Variants in CLVS1 observed in about 807,000 individuals in gnomAD.
CLVS1 encodes the protein clavesin 1.
CLVS1 carries 10 observed loss-of-function variants against 33.1 expected under a neutral mutation model. The observed-to-expected ratio is 0.30, with a 90% CI of 0.19 to 0.51. The LOEUF is 0.51. Among genes scored for constraint, CLVS1 ranks in the 20% least tolerant of loss-of-function variants. CLVS1 has a pLI of 0.97. For synonymous variants in CLVS1, 163 were observed against 166.1 expected (o/e 0.98, Z 0.14); for missense variants, 343 against 433.4 (o/e 0.79, Z 1.85).
At chr8:61,240,911 T>TA (rs201062770) in intron 2 of CLVS1, among the ~76,000 whole-genome samples, 17 of 150,490 alleles carry the variant, frequency 1.1e-4, no homozygotes, top group Non-Finnish European at 2.1e-4. Context: ...TTTTTTTTTT[T>TA]AAAATAGAGA....
At chr8:61,438,716 C>A (rs1403807859) in intron 3 of CLVS1, among the ~76,000 whole-genome samples, 1 of 152,140 alleles carries the variant, frequency 6.6e-6, no homozygotes, top group Admixed American at 6.5e-5. Context: ...TTAAGAATTG[C>A]CATTCTGACT....
At chr8:61,065,528 G>C (rs1413061315) in intron 1 of CLVS1, among the ~76,000 whole-genome samples, 1 of 152,140 alleles carries the variant, frequency 6.6e-6, no homozygotes, top group Non-Finnish European at 1.5e-5. Context: ...TGAAACTAAG[G>C]AGCAGACACA....
chr8:61,055,361 A>T (rs1449311215), upstream of CLVS1, among the ~76,000 whole-genome samples: 1 of 152,236 alleles, frequency 6.6e-6, no homozygotes, highest in Non-Finnish European at 1.5e-5. Flanking sequence ...AGGTCTTCCA[A>T]GATTTCTGGC....
At chr8:61,142,049 C>T (rs1042446413) in intron 2 of CLVS1, among the ~76,000 whole-genome samples, 6 of 152,214 alleles carry the variant, frequency 3.9e-5, no homozygotes, top group African/African-American at 1.4e-4. Flanking sequence ...GGATTATAAA[C>T]TTGTGCAGAC....
At chr8:61,208,678 T>TC (rs11404757) in intron 2 of CLVS1, among the ~76,000 whole-genome samples, 96,923 of 151,848 alleles carry the variant, frequency 0.64, 33,677 homozygotes, top group East Asian at 0.97. Context: ...AACCTCTGCC[T>TC]CCAGGTTCAA....
chr8:61,315,071 GAAAA>G (rs1810965994), intron 2 of CLVS1, among the ~76,000 whole-genome samples: 1 of 152,172 alleles, frequency 6.6e-6, no homozygotes, highest in Admixed American at 6.5e-5. Context: ...GTACAAAACG[GAAAA>G]CCTAGGCAGT....
At chr8:61,010,335 G>T in the CLVS1 span, among the ~76,000 whole-genome samples, 1 of 152,222 alleles carries the variant, frequency 6.6e-6, no homozygotes, top group South Asian at 2.1e-4. Context: ...CATGAGTAAG[G>T]TTGATAGATA....
chr8:61,183,157 G>C (rs1427692731), intron 2 of CLVS1, among the ~76,000 whole-genome samples: 2 of 150,688 alleles, frequency 1.3e-5, no homozygotes, highest in South Asian at 4.2e-4. Context: ...CAGGGCGGAG[G>C]GGGGCAGGCA....
intron 2 of CLVS1, among the ~76,000 whole-genome samples, chr8:61,146,185 G>A (rs1355510664): frequency 2.0e-5 from 3 of 152,170 alleles, no homozygotes; most frequent in African/African-American, 7.2e-5. Flanking sequence ...AAAATTAAAT[G>A]CACAGGACTT....
the CLVS1 span, among the ~76,000 whole-genome samples, chr8:60,985,588 CAG>C: frequency 6.6e-6 from 1 of 152,082 alleles, no homozygotes; most frequent in Non-Finnish European, 1.5e-5. Flanking sequence ...TCTGCTGAAA[CAG>C]AGTAATAATA....
intron 1 of CLVS1, among the ~76,000 whole-genome samples, chr8:61,111,483 T>G (rs1411417825): frequency 6.6e-6 from 1 of 152,224 alleles, no homozygotes; most frequent in African/African-American, 2.4e-5. Context: ...GAAAGGAAAC[T>G]GAAATCAGCA....
intron 1 of CLVS1, among the ~76,000 whole-genome samples, chr8:61,090,714 A>G (rs961341528): frequency 5.3e-5 from 8 of 152,220 alleles, no homozygotes; most frequent in Non-Finnish European, 2.9e-5. Flanking sequence ...TTTGCTATGC[A>G]TATCCCACTA....
chr8:61,318,870 T>C (rs1046839789), intron 2 of CLVS1, among the ~76,000 whole-genome samples: 10 of 152,100 alleles, frequency 6.6e-5, no homozygotes, highest in African/African-American at 2.4e-4. Context: ...TTTGGCCTCC[T>C]AAAGAGCTGG....
intron 2 of CLVS1, among the ~76,000 whole-genome samples, chr8:61,344,786 A>G (rs933204236): frequency 6.6e-6 from 1 of 152,024 alleles, no homozygotes; most frequent in African/African-American, 2.4e-5. Flanking sequence ...CTTGGTTCCC[A>G]TACTTGCCTT....
intron 2 of CLVS1, among the ~76,000 whole-genome samples, chr8:61,315,506 T>C (rs1810977993): frequency 6.6e-6 from 1 of 152,182 alleles, no homozygotes; most frequent in Admixed American, 6.5e-5. Flanking sequence ...TACATGACTG[T>C]GATCCTGCCA....
At chr8:61,418,195 A>G (rs1563544554) in intron 3 of CLVS1, among the ~76,000 whole-genome samples, 1 of 152,100 alleles carries the variant, frequency 6.6e-6, no homozygotes, top group Non-Finnish European at 1.5e-5. Context: ...AGGATTATTA[A>G]TTTTTTTAAT....
chr8:61,484,751 G>C (rs1803807906), intron 5 of CLVS1, among the ~76,000 whole-genome samples: 1 of 152,126 alleles, frequency 6.6e-6, no homozygotes, highest in Non-Finnish European at 1.5e-5. Flanking sequence ...CAGAGATATA[G>C]ACCAATGGAA....
chr8:61,348,030 G>C (rs1812299702), intron 2 of CLVS1, among the ~76,000 whole-genome samples: 1 of 151,592 alleles, frequency 6.6e-6, no homozygotes, highest in Middle Eastern at 3.2e-3. Flanking sequence ...ATTAACTATA[G>C]TCAGCATGTT....
the CLVS1 span, among the ~76,000 whole-genome samples, chr8:61,039,971 G>A: frequency 6.6e-6 from 1 of 152,156 alleles, no homozygotes; most frequent in Non-Finnish European, 1.5e-5. Context: ...CGGATAGGTG[G>A]TTTTTCAGCC....
Sources: allele counts gnomAD v4.1 joint callset (sites outside exome capture counted in the v4.1 genomes callset), GRCh38; gene constraint gnomAD v4.1.1; transcripts MANE v1.5; gene names NCBI Gene and HGNC (gene_info 2026-07-23, HGNC 2026-07-21).